DCP1A: variants seen among roughly 807,000 people sequenced by gnomAD.
DCP1A encodes mRNA-decapping enzyme 1A.
Under a neutral mutation model 58.0 loss-of-function variants are expected in DCP1A, and 20 were observed. The ratio of observed to expected loss-of-function variants is 0.34; its 90% CI spans 0.24 to 0.50. DCP1A has a LOEUF of 0.50. Among genes scored for constraint, DCP1A ranks in the 20% least tolerant of loss-of-function variants. The pLI is 0.98. For missense variants in DCP1A, 613 were observed against 712.2 expected (o/e 0.86, Z 1.59); for synonymous variants, 285 against 275.1 (o/e 1.04, Z -0.36).
intron 4 of DCP1A, 113 bp from the exon 5 acceptor site, chr3:53,312,492 CTTCTT>C: frequency 3.1e-6 from 2 of 640,172 alleles, no homozygotes. Flanking sequence ...TGATGACATT[CTTCTT>C]TTTTTTTTTT....
intron 8 of DCP1A, among the ~76,000 whole-genome samples, chr3:53,290,411 C>T (rs567036092): frequency 2.4e-4 from 36 of 149,736 alleles, no homozygotes; most frequent in South Asian, 1.9e-3. Flanking sequence ...AAGGGCCCAC[C>T]GTGCCCTCTA....
At chr3:53,336,686 C>T (rs1466385732) in intron 3 of DCP1A, among the ~76,000 whole-genome samples, 6 of 152,014 alleles carry the variant, frequency 3.9e-5, no homozygotes, top group East Asian at 1.9e-4. Flanking sequence ...TGCCAGATGC[C>T]GTAGAGTAAT....
chr3:53,343,022 G>C (rs1260503400), intron 2 of DCP1A, among the ~76,000 whole-genome samples: 1 of 152,286 alleles, frequency 6.6e-6, no homozygotes, highest in East Asian at 1.9e-4. Flanking sequence ...CCTACAATAG[G>C]AAACATCCTT....
rs1553686151 is a variant in DCP1A at position 53,292,316 on chromosome 3, A to C, written c.1136T>G (p.Leu379Trp). The change falls in exon 7 of 10, where the codon TTG becomes TGG. Residue 379 changes from leucine (L) to tryptophan (W), a missense_variant. This residue lies in a region of DCP1A where 498 missense variants were observed against 556.7 expected (regional missense o/e 0.89). Coordinates refer to ENST00000610213, the MANE Select transcript of DCP1A (RefSeq NM_018403.7). Reference sequence around the variant, plus strand: ...TGTGCCAGCTGTGTTCGTCACGTTCAATGGGGCCCTGAAGGGGCTCTGGTT... The same window carrying C: ...TGTGCCAGCTGTGTTCGTCACGTTCCATGGGGCCCTGAAGGGGCTCTGGTT... ...IANQSPFRAP[L>W]NVTNTAGTSL... 3 of 1,613,470 alleles carry C rather than the reference A, an allele frequency of 1.9e-6. No individual in the cohort carries two copies. Among genetic ancestry groups the C allele is most frequent in the East Asian group, 4.5e-5 (2 of 44,848 alleles).
intron 3 of DCP1A, chr3:53,329,076 A>G (rs1176831936): frequency 2.1e-5 from 7 of 325,836 alleles, no homozygotes; most frequent in African/African-American, 4.2e-5. Flanking sequence ...TGGAGGGAGA[A>G]CTCACATTTT....
rs782809151 is a variant in DCP1A, at chr3:53,304,217, G to A, written c.584C>T (p.Thr195Ile). The stretch of plus-strand genomic sequence containing the variant: ...GGAGGGCATTTCTTCTAGAGTCTCG[G>A]TGCTTCCCAGATTGGAGAGCTGAGT... The part of the protein sequence containing the change: ...PSTQLSNLGS[T>I]ETLEEMPSGS... Residue 195 changes from threonine to isoleucine, a missense_variant, in exon 6 of 10, where the codon ACC becomes ATC. By Grantham distance (89) the Thr-to-Ile change is moderately conservative. This residue lies in a region of DCP1A where 498 missense variants were observed against 556.7 expected (regional missense o/e 0.89). Transcript: ENST00000610213. 3 of 1,613,620 alleles carry A rather than the reference G, an allele frequency of 1.9e-6. No homozygotes were observed. In the African/African-American group the frequency reaches 4.0e-5, roughly 22 times the overall value.
chr3:53,330,778 C>G (rs1367224248), intron 3 of DCP1A, among the ~76,000 whole-genome samples: 1 of 149,530 alleles, frequency 6.7e-6, no homozygotes, highest in Non-Finnish European at 1.5e-5. Flanking sequence ...GAGTTAATCA[C>G]GTTGGTTAAA....
intron 1 of DCP1A, among the ~76,000 whole-genome samples, chr3:53,346,673 A>G (rs2089295534): frequency 6.6e-6 from 1 of 152,218 alleles, no homozygotes. Flanking sequence ...CACGAAAGCC[A>G]GAAAGTACTG....
chr3:53,300,032 T>C (rs1384478051), intron 6 of DCP1A, among the ~76,000 whole-genome samples: 2 of 152,120 alleles, frequency 1.3e-5, no homozygotes, highest in Non-Finnish European at 2.9e-5. Flanking sequence ...CACGCCCGGC[T>C]ACTTTTTGTA....
chr3:53,332,992 C>T (rs1256836817), intron 3 of DCP1A: 3 of 151,824 alleles, frequency 2.0e-5, no homozygotes, highest in Non-Finnish European at 4.4e-5. Context: ...TTTTTATAAA[C>T]CTCTAATATA....
chr3:53,326,916 A>C (rs1708120993), intron 3 of DCP1A, among the ~76,000 whole-genome samples: 1 of 152,070 alleles, frequency 6.6e-6, no homozygotes, highest in African/African-American at 2.4e-5. Flanking sequence ...CCTGGTGCCA[A>C]AAAGGTTGGG....
chr3:53,338,076 T>C (rs1337151556), intron 3 of DCP1A: 2 of 380,178 alleles, frequency 5.3e-6, no homozygotes, highest in Non-Finnish European at 1.1e-5. Context: ...AAATTCTCCA[T>C]CTGTCACTTA....
intron 6 of DCP1A, among the ~76,000 whole-genome samples, chr3:53,293,285 G>T (rs1032170193): frequency 6.6e-6 from 1 of 152,080 alleles, no homozygotes; most frequent in Admixed American, 6.6e-5. Flanking sequence ...ATTTAATAGT[G>T]GGCCATCCCC....
chr3:53,315,752 T>G (rs1405733995), intron 4 of DCP1A, among the ~76,000 whole-genome samples: 1 of 107,884 alleles, frequency 9.3e-6, no homozygotes, highest in East Asian at 3.0e-4. Context: ...TTGTTTTTTT[T>G]TTTTGTTTTT....
At chr3:53,317,228 C>T (rs763126881) in intron 4 of DCP1A, among the ~76,000 whole-genome samples, 17 of 152,076 alleles carry the variant, frequency 1.1e-4, no homozygotes, top group Non-Finnish European at 2.2e-4. Flanking sequence ...TGCAATGGCG[C>T]GATCTTGGCT....
intron 5 of DCP1A, among the ~76,000 whole-genome samples, chr3:53,308,972 C>T (rs1174261093): frequency 1.3e-5 from 2 of 152,134 alleles, no homozygotes; most frequent in African/African-American, 4.8e-5. Context: ...ACCAAACAAA[C>T]AACCATCCGC....
chr3:53,330,073 T>C (rs2088958224), intron 3 of DCP1A, among the ~76,000 whole-genome samples: 1 of 152,210 alleles, frequency 6.6e-6, no homozygotes, highest in African/African-American at 2.4e-5. Flanking sequence ...ACTGTCTCTC[T>C]GGTAGATCAG....
intron 3 of DCP1A, among the ~76,000 whole-genome samples, chr3:53,339,014 T>C (rs1553692272): frequency 6.6e-6 from 1 of 152,140 alleles, no homozygotes; most frequent in East Asian, 1.9e-4. Flanking sequence ...GTTAAATGGG[T>C]CAGGTGTCTT....
intron 9 of DCP1A, 71 bp downstream of exon 9, chr3:53,287,994 G>C (rs1474870556): frequency 1.4e-6 from 2 of 1,420,526 alleles, no homozygotes; most frequent in East Asian, 4.9e-5. Flanking sequence ...AACTGATTCT[G>C]TAAGAGGAAT....
Sources: allele counts gnomAD v4.1 joint callset (sites outside exome capture counted in the v4.1 genomes callset), GRCh38; gene constraint gnomAD v4.1.1; regional missense constraint gnomAD v4.1.1; transcripts MANE v1.5; gene names NCBI Gene and HGNC (gene_info 2026-07-23, HGNC 2026-07-21).